CSMD2: variants seen among roughly 807,000 people sequenced by gnomAD.
The protein encoded by CSMD2 is CUB and Sushi multiple domains 2.
A neutral mutation model predicts 398.5 loss-of-function variants in CSMD2; 130 were observed. The observed-to-expected ratio is 0.33, with a 90% CI of 0.28 to 0.38. The LOEUF (loss-of-function observed/expected upper bound fraction) is 0.38, where lower values mean the gene tolerates loss of function less well. CSMD2 is among the 10% of genes least tolerant of loss of function. The probability of loss-of-function intolerance (pLI) is 1.00; values close to 1 mark genes in which losing one functional copy is unlikely to be tolerated. For synonymous variants in CSMD2, 1,828 were observed against 1,908.5 expected, an observed-to-expected ratio of 0.96 and a Z score of 1.10; for missense variants, 3,829 against 4,764.9, an observed-to-expected ratio of 0.80 and a Z score of 5.78.
At chr1:34,113,366 C>T (rs1282014867) in intron 1 of CSMD2, among the ~76,000 whole-genome samples, 1 of 152,230 alleles carries the variant, frequency 6.6e-6, no homozygotes, top group African/African-American at 2.4e-5. Flanking sequence ...ACAGATGCAA[C>T]ATCCTCTCAA....
chr1:33,824,030 T>C (rs1557954010), intron 7 of CSMD2, among the ~76,000 whole-genome samples: 1 of 152,136 alleles, frequency 6.6e-6, no homozygotes, highest in Non-Finnish European at 1.5e-5. Context: ...GGCAACACTC[T>C]TGGGAGGAAG....
intron 19 of CSMD2, 150 bp from the exon 20 acceptor site, chr1:33,716,651 T>TTCAC: frequency 1.6e-6 from 1 of 626,420 alleles, no homozygotes; most frequent in South Asian, 2.0e-5. Context: ...TACAGGTGAA[T>TTCAC]CTGAATGAAG....
chr1:33,893,762 A>AGT (rs371075445), intron 5 of CSMD2, among the ~76,000 whole-genome samples: 2 of 152,170 alleles, frequency 1.3e-5, no homozygotes, highest in Non-Finnish European at 1.5e-5. Context: ...GGTTTGTATG[A>AGT]GTGTGTGTGT....
chr1:33,561,967 G>C (rs1478057387), intron 53 of CSMD2, among the ~76,000 whole-genome samples: 1 of 152,102 alleles, frequency 6.6e-6, no homozygotes, highest in Admixed American at 6.5e-5. Context: ...GAAGAATGTT[G>C]AGGATTAAAA....
intron 5 of CSMD2, among the ~76,000 whole-genome samples, chr1:33,895,774 C>A (rs1049799279): frequency 3.3e-5 from 5 of 152,270 alleles, no homozygotes; most frequent in Non-Finnish European, 5.9e-5. Flanking sequence ...CTGTTCCCAG[C>A]CCCCATGAGT....
In CSMD2 at chr1:33,819,722, C is replaced by T. The variant is rs1350135389; in HGVS notation, c.1315G>A (p.Val439Ile). Residue 439 changes from valine to isoleucine, a missense_variant, in exon 9 of 71, where the codon GTC becomes ATC. By Grantham distance (29) the Val-to-Ile change is conservative. Around this residue, in one of 5 missense-constraint regions of CSMD2, gnomAD observed 2,001 missense variants for 2,567.1 expected, o/e 0.78. Transcript: ENST00000373381. The part of the protein sequence containing the change: ...MFAAWSDHRP[V>I]CRARMCDAHL... ...CCCAGGGCACCCTCACCTCGGCAGACTGGCCTGTGGTCGCTCCAGGCCGCA... is the reference window on the plus strand; with the variant it reads ...CCCAGGGCACCCTCACCTCGGCAGATTGGCCTGTGGTCGCTCCAGGCCGCA... 1 of 1,613,454 alleles carries T rather than the reference C, an allele frequency of 6.2e-7. No individual in the cohort carries two copies. The highest frequency in any genetic ancestry group is 1.7e-5 in the Admixed American group (1 of 60,010).
intron 25 of CSMD2, among the ~76,000 whole-genome samples, chr1:33,670,536 C>T (rs12023388): frequency 0.11 from 16,396 of 151,906 alleles, 1,003 homozygotes; most frequent in South Asian, 0.21. Context: ...TCTAGCCCCT[C>T]GGATCTTACA....
At chr1:33,983,800 G>A (rs1558199954) in intron 3 of CSMD2, among the ~76,000 whole-genome samples, 1 of 152,160 alleles carries the variant, frequency 6.6e-6, no homozygotes, top group Non-Finnish European at 1.5e-5. Flanking sequence ...TTAGCCGAGA[G>A]TGAACATTAA....
chr1:33,552,376 C>T (rs968439924), intron 55 of CSMD2, among the ~76,000 whole-genome samples: 1 of 152,192 alleles, frequency 6.6e-6, no homozygotes, highest in African/African-American at 2.4e-5. Context: ...TATAGAGTTC[C>T]TATGTGACTT....
chr1:33,877,721 G>C (rs1446719076), intron 5 of CSMD2, among the ~76,000 whole-genome samples: 1 of 151,954 alleles, frequency 6.6e-6, no homozygotes, highest in Non-Finnish European at 1.5e-5. Context: ...TAGCTCAAGG[G>C]GGCAAATTGA....
chr1:33,529,106 T>A (rs909982357), intron 64 of CSMD2, among the ~76,000 whole-genome samples: 30 of 152,248 alleles, frequency 2.0e-4, no homozygotes, highest in Non-Finnish European at 7.3e-5. Flanking sequence ...GGATAATTGA[T>A]ACGTCCCAAT....
At chr1:33,665,318 C>T (rs555230177) in intron 25 of CSMD2, among the ~76,000 whole-genome samples, 13 of 152,082 alleles carry the variant, frequency 8.5e-5, no homozygotes, top group Admixed American at 3.9e-4. Context: ...TAACCAAATA[C>T]GTTAATATTT....
chr1:33,804,782 G>A lies in CSMD2; in HGVS notation c.1446+5961C>T, dbSNP rs1428639522. The A allele has an allele frequency of 2.8e-6, 2 of 717,450 alleles. 1 individual carries two copies. The highest frequency in any genetic ancestry group is 5.4e-5 in the East Asian group (2 of 37,290). The allele number at this position is 717,450 out of a possible 1,614,324, so 44.4% of individuals were successfully genotyped here. Reference sequence around the variant, plus strand: ...TTCCATGAACAGGGTTAGGCACACAGCATCCATTGTCCTTGCTGTTTCCCA... The same window carrying A: ...TTCCATGAACAGGGTTAGGCACACAACATCCATTGTCCTTGCTGTTTCCCA... On this transcript the variant is annotated intron_variant, in intron 10 of 70. Coordinates refer to ENST00000373381, the MANE Select transcript of CSMD2 (RefSeq NM_001281956.2).
intron 5 of CSMD2, among the ~76,000 whole-genome samples, chr1:33,907,291 T>A (rs57032597): frequency 0.019 from 2,948 of 151,588 alleles, 90 homozygotes; most frequent in African/African-American, 0.066. Context: ...GCTAATTTTT[T>A]TTTTTTTTTG....
At chr1:33,997,279 G>T (rs545984856) in intron 3 of CSMD2, among the ~76,000 whole-genome samples, 1 of 152,358 alleles carries the variant, frequency 6.6e-6, no homozygotes, top group African/African-American at 2.4e-5. Flanking sequence ...GAATGGCTCA[G>T]TGAGAGAAGC....
intron 5 of CSMD2, among the ~76,000 whole-genome samples, chr1:33,847,361 T>A (rs148373364): frequency 2.0e-5 from 3 of 151,918 alleles, no homozygotes; most frequent in African/African-American, 7.2e-5. Context: ...TGCCCATCCA[T>A]GTCCCCCAAG....
chr1:33,959,876 C>A (rs1645293584), intron 3 of CSMD2, among the ~76,000 whole-genome samples: 1 of 152,204 alleles, frequency 6.6e-6, no homozygotes, highest in African/African-American at 2.4e-5. Flanking sequence ...GGCTTGCCCC[C>A]TGGCTGTCTC....
intron 2 of CSMD2, among the ~76,000 whole-genome samples, chr1:34,075,943 G>A (rs1014375773): frequency 1.3e-5 from 2 of 152,138 alleles, no homozygotes; most frequent in Non-Finnish European, 2.9e-5. Flanking sequence ...TCCTACTCCC[G>A]TTCCCCACCC....
intron 1 of CSMD2, among the ~76,000 whole-genome samples, chr1:34,108,847 C>A (rs1238027432): frequency 6.6e-6 from 1 of 152,110 alleles, no homozygotes; most frequent in Non-Finnish European, 1.5e-5. Context: ...GAGGGCAATC[C>A]TTGCAAGGTG....
Sources: gnomAD v4.1 joint callset for allele counts (sites outside exome capture counted in the v4.1 genomes callset) on GRCh38, gnomAD v4.1.1 for gene constraint, gnomAD v4.1.1 regional missense constraint, MANE v1.5 for transcripts, NCBI Gene and HGNC (gene_info 2026-07-23, HGNC 2026-07-21) for gene names.